OPN3: variants seen among roughly 807,000 people sequenced by gnomAD.
OPN3 encodes the protein opsin 3.
In OPN3, 29 loss-of-function variants were observed where a neutral mutation model predicts 33.8. The observed-to-expected ratio is 0.86, with a 90% confidence interval of 0.64 to 1.17. The LOEUF is 1.17. Among genes scored for constraint, OPN3 ranks in the 50% most tolerant of loss-of-function variants. OPN3 has a pLI of 0.00. For synonymous variants in OPN3, 216 were observed against 216.1 expected, an observed-to-expected ratio of 1.00 and a Z score of 0.00; for missense variants, 437 against 514.1, an observed-to-expected ratio of 0.85 and a Z score of 1.45.
At chr1:241,614,360 T>C (rs940643616) in intron 1 of OPN3, among the ~76,000 whole-genome samples, 1 of 152,140 alleles carries the variant, frequency 6.6e-6, no homozygotes, top group Non-Finnish European at 1.5e-5. Context: ...TGTGGCTAGC[T>C]GCTCACAGTT....
intron 1 of OPN3, among the ~76,000 whole-genome samples, chr1:241,605,648 C>CA (rs1214830305): frequency 6.6e-6 from 1 of 152,200 alleles, no homozygotes; most frequent in Non-Finnish European, 1.5e-5. Flanking sequence ...AATGACCATG[C>CA]AATGTGTGAA....
chr1:241,613,393 C>G (rs559806164), intron 1 of OPN3, among the ~76,000 whole-genome samples: 1 of 152,280 alleles, frequency 6.6e-6, no homozygotes, highest in Non-Finnish European at 1.5e-5. Context: ...AGCCAAGACT[C>G]GAATCACACA....
chr1:241,596,924 A>C (rs917824142), intron 3 of OPN3, among the ~76,000 whole-genome samples: 1 of 152,170 alleles, frequency 6.6e-6, no homozygotes, highest in Non-Finnish European at 1.5e-5. Context: ...TCCTGGGCTC[A>C]AGAGATCCTT....
chr1:241,614,752 A>C lies in OPN3; in HGVS notation c.374-10173T>G, dbSNP rs565765207. On this transcript the variant is annotated intron_variant, in intron 1 of 3. Coordinates refer to ENST00000366554, the MANE Select transcript of OPN3 (RefSeq NM_014322.3). ...TCTGCCTACAGTCCCATTCGGACAG[A>C]TATCCTAGCCTTAGGCTTTTCTGCC... Among the ~76,000 whole-genome samples, 11 of 152,030 alleles carry C rather than the reference A, an allele frequency of 7.2e-5. No individual in the cohort carries two copies. The East Asian group carries it at 2.1e-3, about 29-fold the overall frequency.
intron 1 of OPN3, among the ~76,000 whole-genome samples, chr1:241,612,639 G>A (rs1029490893): frequency 3.3e-5 from 5 of 152,146 alleles, no homozygotes; most frequent in Non-Finnish European, 7.4e-5. Context: ...TAGACCCTGT[G>A]ACAAAATTAT....
chr1:241,614,540 G>A (rs1256237413), intron 1 of OPN3, among the ~76,000 whole-genome samples: 1 of 152,232 alleles, frequency 6.6e-6, no homozygotes, highest in Non-Finnish European at 1.5e-5. Flanking sequence ...TTCACCATAA[G>A]CATCTCCTCC....
intron 2 of OPN3, 135 bp from the exon 3 acceptor site, chr1:241,598,132 G>T: frequency 1.0e-6 from 1 of 986,762 alleles, no homozygotes; most frequent in Non-Finnish European, 1.5e-6. Context: ...ACCTTGGCAG[G>T]CTGACTTCTG....
intron 1 of OPN3, chr1:241,628,770 G>T (rs1664499125): frequency 2.0e-5 from 3 of 151,728 alleles, no homozygotes; most frequent in Non-Finnish European, 4.4e-5. Context: ...GATCTTTTTT[G>T]ACTTTAACAC....
chr1:241,639,594 CGGGCCG>C (rs1333272546), intron 1 of OPN3, among the ~76,000 whole-genome samples: 1 of 151,180 alleles, frequency 6.6e-6, no homozygotes, highest in Admixed American at 6.6e-5. Context: ...AGAAAGGAGG[CGGGCCG>C]GGGTTTGGGG....
chr1:241,637,584 C>T (rs577289296), intron 1 of OPN3, among the ~76,000 whole-genome samples: 2 of 152,238 alleles, frequency 1.3e-5, no homozygotes, highest in East Asian at 1.9e-4. Flanking sequence ...AAAGACAGGG[C>T]TCAGGGTAGG....
At chr1:241,635,450 C>T (rs911344543) in intron 1 of OPN3, 2 of 1,613,858 alleles carry the variant, frequency 1.2e-6, no homozygotes, top group Non-Finnish European at 1.7e-6. Flanking sequence ...CATATCCTGA[C>T]TGGCGTAGCA....
chr1:241,635,564 A>T, intron 1 of OPN3: 3 of 1,614,010 alleles, frequency 1.9e-6, no homozygotes, highest in Non-Finnish European at 2.5e-6. Context: ...TTCTTCCCCA[A>T]TGTCATTGTT....
Position 241,594,688 on chromosome 1 carries a change from G to A in OPN3, c.949C>T (p.Arg317Ter), listed in dbSNP as rs1446302960. The A allele has an allele frequency of 3.7e-6, 6 of 1,611,824 alleles. No individual in the cohort carries two copies. Among genetic ancestry groups the A allele is most frequent in the Non-Finnish European group, 4.2e-6 (5 of 1,179,008 alleles). Residue 317 changes from arginine to a stop codon, truncating the protein, a stop_gained, in exon 4 of 4, where the codon CGA (arginine) becomes TGA (stop). Coordinates refer to ENST00000366554, the MANE Select transcript of OPN3 (RefSeq NM_014322.3). LOFTEE classifies it high-confidence loss of function. ...CACAGAAGCTGCAAAAGGGATCTTC[G>A]AAACTGGGCAGAGAAAAAATAAAGT... ...VIYVFMIRKF[R>*]RSLLQLLCLR... is the part of the protein sequence containing the mutation.
chr1:241,608,546 C>T (rs767929175), intron 1 of OPN3, among the ~76,000 whole-genome samples: 3 of 152,100 alleles, frequency 2.0e-5, no homozygotes, highest in Non-Finnish European at 4.4e-5. Context: ...GTGGGAAGGA[C>T]ACAGAAAGGG....
chr1:241,639,194 T>C (rs1051676038), intron 1 of OPN3: 10 of 152,256 alleles, frequency 6.6e-5, no homozygotes, highest in Non-Finnish European at 2.9e-5. Context: ...TGAGATGGTA[T>C]TGGCTGAGCC....
intron 1 of OPN3, among the ~76,000 whole-genome samples, chr1:241,636,612 T>C (rs1239730496): frequency 2.0e-5 from 3 of 152,176 alleles, no homozygotes; most frequent in Admixed American, 6.5e-5. Flanking sequence ...AGTCAGATTA[T>C]TACAAAAGGA....
intron 1 of OPN3, chr1:241,634,843 T>C: frequency 6.2e-7 from 1 of 1,611,762 alleles, no homozygotes; most frequent in South Asian, 1.1e-5. Flanking sequence ...CAGGATGTTG[T>C]TCATACTCTA....
At chr1:241,600,956 C>T (rs987331760) in intron 2 of OPN3, 115 of 152,120 alleles carry the variant, frequency 7.6e-4, no homozygotes, top group African/African-American at 2.5e-3. Flanking sequence ...TGGTAGTACA[C>T]AGGATGGGAA....
At chr1:241,629,479 A>G (rs1172669339) in intron 1 of OPN3, 2 of 152,132 alleles carry the variant, frequency 1.3e-5, no homozygotes, top group African/African-American at 4.8e-5. Context: ...TCGCTTTATA[A>G]ATTTGCCTAA....
Sources: gnomAD v4.1 joint callset for allele counts (sites outside exome capture counted in the v4.1 genomes callset) on GRCh38, gnomAD v4.1.1 for gene constraint, MANE v1.5 for transcripts, NCBI Gene and HGNC (gene_info 2026-07-23, HGNC 2026-07-21) for gene names.